Variants in ELOVL5 observed in about 807,000 individuals in gnomAD.
ELOVL5 encodes the protein ELOVL fatty acid elongase 5.
In ELOVL5, 8 loss-of-function variants were observed where a neutral mutation model predicts 38.6. The observed-to-expected ratio is 0.21, with a 90% CI of 0.12 to 0.37. The LOEUF is 0.37. Among genes scored for constraint, ELOVL5 ranks in the 10% least tolerant of loss-of-function variants. ELOVL5 has a pLI of 1.00. For synonymous variants in ELOVL5, 127 were observed against 133.7 expected, an observed-to-expected ratio of 0.95 and a Z score of 0.34; for missense variants, 280 against 367.8, an observed-to-expected ratio of 0.76 and a Z score of 1.95.
intron 2 of ELOVL5, among the ~76,000 whole-genome samples, chr6:53,293,888 G>A (rs969418462): frequency 6.6e-6 from 1 of 152,154 alleles, no homozygotes; most frequent in Admixed American, 6.5e-5. Context: ...CAGTCCGGCA[G>A]AACTGGTTGT....
chr6:53,305,311 G>A (rs1197493329), intron 1 of ELOVL5, among the ~76,000 whole-genome samples: 5 of 131,136 alleles, frequency 3.8e-5, no homozygotes, highest in South Asian at 2.4e-4. Context: ...CGGACAGGGC[G>A]GCTGGCCGGG....
chr6:53,322,368 A>C (rs1167263042), intron 1 of ELOVL5, among the ~76,000 whole-genome samples: 4 of 152,346 alleles, frequency 2.6e-5, no homozygotes, highest in South Asian at 4.1e-4. Flanking sequence ...TATTTTTGCT[A>C]ATCAGTAGCT....
At chr6:53,297,490 GT>G (rs2127576603) in intron 1 of ELOVL5, among the ~76,000 whole-genome samples, 1 of 152,206 alleles carries the variant, frequency 6.6e-6, no homozygotes, top group Admixed American at 6.5e-5. Flanking sequence ...TTTGTCCAGC[GT>G]ATCCTCACCG....
chr6:53,296,066 C>T (rs1766988550), intron 1 of ELOVL5, among the ~76,000 whole-genome samples: 1 of 152,088 alleles, frequency 6.6e-6, no homozygotes, highest in African/African-American at 2.4e-5. Flanking sequence ...TGGGCAACAA[C>T]TGAGGACTTG....
intron 2 of ELOVL5, among the ~76,000 whole-genome samples, chr6:53,293,232 G>C (rs2127574872): frequency 6.6e-6 from 1 of 152,286 alleles, no homozygotes; most frequent in South Asian, 2.1e-4. Flanking sequence ...AGAACATGAG[G>C]CACATGCAGC....
chr6:53,291,016 CT>C (rs1283008532), intron 3 of ELOVL5, among the ~76,000 whole-genome samples: 1 of 152,084 alleles, frequency 6.6e-6, no homozygotes, highest in Non-Finnish European at 1.5e-5. Flanking sequence ...AGTGGGTAGG[CT>C]TTCCTGGAAA....
chr6:53,348,911 A>AAGGAGACACCGGTGGCT lies in ELOVL5; in HGVS notation c.-120_-104dup. 1 of 450,508 alleles carries AAGGAGACACCGGTGGCT rather than the reference A, an allele frequency of 2.2e-6. No homozygotes were observed. The highest frequency in any genetic ancestry group is 4.5e-6 in the Non-Finnish European group (1 of 224,216). 27.9% of individuals were successfully genotyped at this position (450,508 alleles called of 1,614,324 possible). A position where few individuals can be genotyped will look rare whatever the true frequency, so the allele number is the denominator to read the frequency against. ...GCAGCCGGCGCAGAGGCGGATGTAG[A>AAGGAGACACCGGTGGCT]AGGAGACACCGGTGGCTAGGACCCG... On this transcript the variant is annotated 5_prime_UTR_variant, in exon 1 of 8. Transcript: ENST00000304434.
In ELOVL5 at chr6:53,284,828, CTG is replaced by C. The variant is rs140177186; in HGVS notation, c.246+6946_246+6947del. On this transcript the variant is annotated intron_variant, in intron 3 of 7. Coordinates refer to ENST00000304434, the MANE Select transcript of ELOVL5 (RefSeq NM_021814.5). ...CTATTATTATATCTGTTGTGGCGAT[CTG>C]TGTGTGGTTACTGAACTTTGATGTT... Among the ~76,000 whole-genome samples the C allele has an allele frequency of 3.8e-3, 574 of 152,174 alleles. 3 individuals are homozygous for C. Among genetic ancestry groups the C allele is most frequent in the African/African-American group, 0.013 (547 of 41,476 alleles).
chr6:53,348,324 C>T (rs2127597490), intron 1 of ELOVL5, among the ~76,000 whole-genome samples: 1 of 151,924 alleles, frequency 6.6e-6, no homozygotes, highest in South Asian at 2.1e-4. Flanking sequence ...TGCCCGCAGA[C>T]CCTCGCACAG....
intron 6 of ELOVL5, among the ~76,000 whole-genome samples, chr6:53,272,484 T>A (rs1765962050): frequency 6.6e-6 from 1 of 152,146 alleles, no homozygotes; most frequent in Non-Finnish European, 1.5e-5. Flanking sequence ...CTATGTAAAA[T>A]CATGTACTTA....
At chr6:53,280,621 C>CTGGCT (rs1766314264) in intron 3 of ELOVL5, among the ~76,000 whole-genome samples, 1 of 152,292 alleles carries the variant, frequency 6.6e-6, no homozygotes, top group South Asian at 2.1e-4. Context: ...GAGACAGGGC[C>CTGGCT]TGGCTGTGTT....
intron 1 of ELOVL5, among the ~76,000 whole-genome samples, chr6:53,319,291 A>G (rs1581974215): frequency 9.1e-4 from 36 of 39,630 alleles, no homozygotes; most frequent in Non-Finnish European, 1.5e-3. Context: ...AAAAAAAAAA[A>G]AAAAAAAAAA....
At chr6:53,294,188 G>A in intron 2 of ELOVL5, 14 of 1,466,218 alleles carry the variant, frequency 9.5e-6, no homozygotes, top group East Asian at 2.5e-5. Context: ...ACCGCACAGT[G>A]CTTCCCGGGC....
intron 1 of ELOVL5, among the ~76,000 whole-genome samples, chr6:53,306,076 C>G (rs1271617258): frequency 6.6e-6 from 1 of 151,038 alleles, no homozygotes; most frequent in Non-Finnish European, 1.5e-5. Context: ...TGGCGGCGCG[C>G]GCCTGCAATT....
chr6:53,345,047 C>T (rs1180791216), intron 1 of ELOVL5, among the ~76,000 whole-genome samples: 1 of 152,212 alleles, frequency 6.6e-6, no homozygotes, highest in African/African-American at 2.4e-5. Flanking sequence ...TTTAACTTCA[C>T]TTCCCTGGTT....
At chr6:53,338,930 T>C (rs1459425952) in intron 1 of ELOVL5, among the ~76,000 whole-genome samples, 3 of 152,160 alleles carry the variant, frequency 2.0e-5, no homozygotes, top group Admixed American at 6.5e-5. Context: ...AGAAACATAA[T>C]AAAGATTAGT....
chr6:53,338,265 G>T (rs1769169915), intron 1 of ELOVL5, among the ~76,000 whole-genome samples: 2 of 152,096 alleles, frequency 1.3e-5, no homozygotes, highest in African/African-American at 4.8e-5. Context: ...GTACCAGGGG[G>T]TCAATGAAAA....
chr6:53,343,243 G>T (rs1769403350), intron 1 of ELOVL5, among the ~76,000 whole-genome samples: 1 of 147,544 alleles, frequency 6.8e-6, no homozygotes, highest in African/African-American at 2.5e-5. Context: ...GACAGAGTCT[G>T]GCTCTGTCAC....
intron 1 of ELOVL5, 118 bp from the exon 2 acceptor site, chr6:53,295,825 GTTCC>G: frequency 1.7e-6 from 1 of 594,518 alleles, no homozygotes; most frequent in Non-Finnish European, 2.8e-6. Context: ...GTTAAGTTCA[GTTCC>G]TTAGGTTAAA....
Sources: gnomAD v4.1 joint callset for allele counts (sites outside exome capture counted in the v4.1 genomes callset) on GRCh38, gnomAD v4.1.1 for gene constraint, MANE v1.5 for transcripts, NCBI Gene and HGNC (gene_info 2026-07-23, HGNC 2026-07-21) for gene names.